The following KIF21B variants were observed in gnomAD, a reference collection of about 807,000 sequenced individuals.
KIF21B encodes the protein kinesin family member 21B.
In KIF21B, 85 loss-of-function variants were observed where a neutral mutation model predicts 192.9. The observed-to-expected ratio is 0.44, with a 90% CI of 0.37 to 0.53. The LOEUF (loss-of-function observed/expected upper bound fraction) is 0.53, where lower values mean the gene tolerates loss of function less well. KIF21B is among the 20% of genes least tolerant of loss of function. KIF21B has a pLI of 0.00. For synonymous variants in KIF21B, 832 were observed against 884.6 expected, an observed-to-expected ratio of 0.94 and a Z score of 1.05; for missense variants, 1,716 against 2,194.8, an observed-to-expected ratio of 0.78 and a Z score of 4.36.
Position 201,005,433 on chromosome 1 carries a change from A to G in KIF21B, c.607T>C (p.Cys203Arg), listed in dbSNP as rs747818334. 6.2e-7 allele frequency: 1 copy of G among 1,608,026 alleles called. No homozygotes were observed. Among genetic ancestry groups the G allele is most frequent in the South Asian group, 1.1e-5 (1 of 90,350 alleles). Residue 203 changes from cysteine to arginine, a missense_variant, in exon 5 of 35, where the codon TGC becomes CGC. Physicochemically the swap from Cys to Arg is radical, Grantham distance 180. Around this residue, in one of 3 missense-constraint regions of KIF21B, gnomAD observed 1,087 missense variants for 1,316.6 expected, o/e 0.83. Coordinates refer to ENST00000461742, the MANE Select transcript of KIF21B (RefSeq NM_001252102.2). ...LIHSQEELIQCLKQGALSRTT... is the reference protein window; with the variant it reads ...LIHSQEELIQRLKQGALSRTT... Reference sequence around the variant, plus strand: ...CGGGACAGGGCCCCCTGCTTCAGGCACTGGATCAGCTGGAAACAGAAGCAG... The same window carrying G: ...CGGGACAGGGCCCCCTGCTTCAGGCGCTGGATCAGCTGGAAACAGAAGCAG...
Position 200,979,648 on chromosome 1 carries a change from G to T in KIF21B, c.4047C>A (p.Asn1349Lys). 1.3e-6 allele frequency: 2 copies of T among 1,587,756 alleles called. No individual in the cohort carries two copies. Among genetic ancestry groups the T allele is most frequent in the Non-Finnish European group, 1.7e-6 (2 of 1,167,424 alleles). Residue 1349 changes from asparagine (N) to lysine (K), a missense_variant, in exon 30 of 35, where the codon AAC becomes AAA. This residue lies in a region of KIF21B where 580 missense variants were observed against 775.5 expected (regional missense o/e 0.75). Transcript: ENST00000461742. ...TGCAGTACTTGATGGAGACCACGTTGTTGGGGTGGCCCTTTAGAGCTGCGA... is the reference window on the plus strand; with the variant it reads ...TGCAGTACTTGATGGAGACCACGTTTTTGGGGTGGCCCTTTAGAGCTGCGA... ...QEIAALKGHP[N>K]NVVSIKYCSH... is the part of the protein sequence containing the mutation.
At chr1:200,981,936 C>T (rs897695803) in intron 28 of KIF21B, among the ~76,000 whole-genome samples, 6 of 152,104 alleles carry the variant, frequency 3.9e-5, no homozygotes, top group African/African-American at 1.4e-4. Context: ...GGGATGAGAC[C>T]CTGGCTGAGT....
At position 200,991,657 on chromosome 1, in the gene KIF21B, C is replaced by T. The variant is rs755755600; in HGVS notation, c.2454G>A (p.Glu818=). 23 of 1,613,820 alleles carry T rather than the reference C, an allele frequency of 1.4e-5. No individual in the cohort carries two copies. The highest frequency in any genetic ancestry group is 1.9e-5 in the Non-Finnish European group (22 of 1,179,988). The change falls in exon 17 of 35, where the codon GAG becomes GAA. Residue 818 remains glutamate (E), a splice_region_variant and synonymous_variant. Transcript: ENST00000461742. ...QEMVLRRKTQ[E]VSALRRLAKP... Reference sequence around the variant, plus strand: ...TCGCCAGCCCCTCGAGTGAGCTCACCTCCTGGGTCTTCCTCCTCAGGACCA... The same window carrying T: ...TCGCCAGCCCCTCGAGTGAGCTCACTTCCTGGGTCTTCCTCCTCAGGACCA...
At chr1:201,010,729 C>T (rs757834193) in intron 1 of KIF21B, among the ~76,000 whole-genome samples, 25 of 152,248 alleles carry the variant, frequency 1.6e-4, no homozygotes, top group East Asian at 1.9e-4. Context: ...GGCCCAGAGG[C>T]GCCTGGTCAC....
At chr1:201,022,419 C>T (rs939923896) in intron 1 of KIF21B, among the ~76,000 whole-genome samples, 2 of 152,196 alleles carry the variant, frequency 1.3e-5, no homozygotes, top group African/African-American at 4.8e-5. Context: ...CCAAGACACC[C>T]CTCTCAAAGA....
At chr1:200,984,755 T>G (rs1656175705) in intron 27 of KIF21B, 104 bp downstream of exon 27, 1 of 733,206 alleles carries the variant, frequency 1.4e-6, no homozygotes, top group South Asian at 2.1e-5. Flanking sequence ...AACTTCAGGC[T>G]GGGGTTGGCT....
chr1:201,015,113 T>A (rs1277302266), intron 1 of KIF21B, among the ~76,000 whole-genome samples: 1 of 152,238 alleles, frequency 6.6e-6, no homozygotes, highest in Non-Finnish European at 1.5e-5. Context: ...AATTTACAAA[T>A]GAGAGCTCAG....
intron 2 of KIF21B, 61 bp from the exon 3 acceptor site, chr1:201,009,012 G>C: frequency 6.5e-7 from 1 of 1,531,004 alleles, no homozygotes; most frequent in Non-Finnish European, 8.8e-7. Flanking sequence ...AGCAAGCCCT[G>C]TACCTGGGCC....
chr1:200,999,802 G>T lies in KIF21B; in HGVS notation c.1767+81C>A. On this transcript the variant is annotated intron_variant, in intron 12 of 34. Transcript: ENST00000461742. This position sits in a 1 kb window ranked among gnomAD's most constrained non-coding sequence, Gnocchi z 4.7. ...CAACCGCCTCCTTCACTCCATACAAGGATGCGGATGGGGCCCCCGCCAACC... is the reference window on the plus strand; with the variant it reads ...CAACCGCCTCCTTCACTCCATACAATGATGCGGATGGGGCCCCCGCCAACC... The T allele has an allele frequency of 7.2e-7, 1 of 1,379,722 alleles. No individual in the cohort carries two copies. The highest frequency in any genetic ancestry group is 1.0e-6 in the Non-Finnish European group (1 of 973,912). 85.5% of individuals were successfully genotyped at this position (1,379,722 alleles called of 1,614,324 possible). A position where few individuals can be genotyped will look rare whatever the true frequency, so the allele number is the denominator to read the frequency against.
In KIF21B at chr1:201,000,426, C is replaced by T. The variant is rs767724966; in HGVS notation, c.1649G>A (p.Arg550Gln). The change falls in exon 11 of 35, where the codon CGG becomes CAG. Residue 550 changes from arginine to glutamine, a missense_variant. Physicochemically the swap from Arg to Gln is conservative, Grantham distance 43 (BLOSUM62 1). Around this residue, in one of 3 missense-constraint regions of KIF21B, gnomAD observed 1,087 missense variants for 1,316.6 expected, o/e 0.83. Coordinates refer to ENST00000461742, the MANE Select transcript of KIF21B (RefSeq NM_001252102.2). The surrounding 1 kb of genome is among the most constrained non-coding windows in gnomAD (Gnocchi z 6.0). ...CTGCCTGACCTCCTTCTTCTTTAGCCGCTCCAGGTCCTGCTTGGCCCTGCG... is the reference window on the plus strand; with the variant it reads ...CTGCCTGACCTCCTTCTTCTTTAGCTGCTCCAGGTCCTGCTTGGCCCTGCG... ...VIRRAKQDLE[R>Q]LKKKEVRQRR... 5.8e-6 allele frequency: 9 copies of T among 1,564,030 alleles called. No individual in the cohort carries two copies. The highest frequency in any genetic ancestry group is 7.8e-6 in the Non-Finnish European group (9 of 1,159,956).
In KIF21B at chr1:200,991,825, C is replaced by T. The variant is rs547263183; in HGVS notation, c.2386-100G>A. ...GCCCTGTAGTTGAAAGCCTGGGCTT[C>T]AGGGTGATTCTCATGCAGCCAAACT... On this transcript the variant is annotated intron_variant, in intron 16 of 34. Coordinates refer to ENST00000461742, the MANE Select transcript of KIF21B (RefSeq NM_001252102.2). 120 of 1,212,514 alleles carry T rather than the reference C, an allele frequency of 9.9e-5. 2 individuals carry two copies. The South Asian group carries it at 1.6e-3, about 16-fold the overall frequency. The allele number at this position is 1,212,514 out of a possible 1,614,324, so 75.1% of individuals were successfully genotyped here. A position where few individuals can be genotyped will look rare whatever the true frequency, so the allele number is the denominator to read the frequency against.
chr1:200,986,161 C>T (rs1656288644), intron 26 of KIF21B, among the ~76,000 whole-genome samples: 1 of 151,644 alleles, frequency 6.6e-6, no homozygotes, highest in Admixed American at 6.6e-5. Context: ...AATCTTCTCT[C>T]ACACCATAAG....
At chr1:200,996,619 G>C (rs1004947818) in intron 14 of KIF21B, among the ~76,000 whole-genome samples, 1 of 152,064 alleles carries the variant, frequency 6.6e-6, no homozygotes, top group African/African-American at 2.4e-5. Context: ...AATGGGCAGG[G>C]GTGTTTTCAT....
chr1:201,023,487 C>T lies in KIF21B; in HGVS notation c.-104G>A, dbSNP rs916566455. 6 of 801,606 alleles carry T rather than the reference C, an allele frequency of 7.5e-6. No individual in the cohort carries two copies. Among genetic ancestry groups the T allele is most frequent in the Admixed American group, 4.6e-5 (1 of 21,832 alleles). 49.7% of individuals were successfully genotyped at this position (801,606 alleles called of 1,614,324 possible). ...GCGGGAGGCGGGGGCGCGGGCGCGG[C>T]TGGCGGAGGCTGCGGCGGCGGCGGC... On this transcript the variant is annotated 5_prime_UTR_variant, in exon 1 of 35. Transcript: ENST00000461742. The surrounding 1 kb of genome is among the most constrained non-coding windows in gnomAD (Gnocchi z 5.9).
chr1:200,976,383 C>G (rs1220485298), intron 32 of KIF21B, among the ~76,000 whole-genome samples: 1 of 152,334 alleles, frequency 6.6e-6, no homozygotes, highest in East Asian at 1.9e-4. Flanking sequence ...TCAGCCACCA[C>G]GCCTGGCCTG....
Position 200,975,995 on chromosome 1 carries a change from A to C in KIF21B, c.4444-326T>G, listed in dbSNP as rs1178328856. 2.0e-5 allele frequency among the ~76,000 whole-genome samples: 3 copies of C among 152,150 alleles called. No individual in the cohort carries two copies. The highest frequency in any genetic ancestry group is 2.9e-5 in the Non-Finnish European group (2 of 68,018). On this transcript the variant is annotated intron_variant, in intron 32 of 34. Coordinates refer to ENST00000461742, the MANE Select transcript of KIF21B (RefSeq NM_001252102.2). The surrounding 1 kb of genome is among the most constrained non-coding windows in gnomAD (Gnocchi z 4.3). ...GCTCAACAGGCAGCTGCTAAGGAGAAGGGTGGGTTTAGGGTGTGAGCCTCC... is the reference window on the plus strand; with the variant it reads ...GCTCAACAGGCAGCTGCTAAGGAGACGGGTGGGTTTAGGGTGTGAGCCTCC...
rs747155865 is a variant in KIF21B, at chr1:201,002,287, T to C, written c.1276A>G (p.Met426Val). The C allele has an allele frequency of 1.4e-5, 22 of 1,614,108 alleles. No homozygotes were observed. The highest frequency in any genetic ancestry group is 8.3e-5 in the Admixed American group (5 of 60,010). Reference protein sequence around the residue: ...GYSDLFRENAMLQKENGALRL... With the variant: ...GYSDLFRENAVLQKENGALRL... ...AGGGCCCCATTCTCCTTCTGTAGCA[T>C]GGCATTCTCTCGGAACAGATCACTA... Residue 426 changes from methionine to valine, a missense_variant, in exon 9 of 35, where the codon ATG (methionine) becomes GTG (valine). Physicochemically the swap from Met to Val is conservative, Grantham distance 21. Transcript: ENST00000461742.
At chr1:200,994,345 C>G (rs572445610) in intron 15 of KIF21B, among the ~76,000 whole-genome samples, 1 of 152,354 alleles carries the variant, frequency 6.6e-6, no homozygotes, top group African/African-American at 2.4e-5. Flanking sequence ...TGTAGCTGAA[C>G]AGCCATGGGA....
intron 27 of KIF21B, 86 bp from the exon 28 acceptor site, chr1:200,983,180 G>A (rs992943749): frequency 4.4e-5 from 51 of 1,154,128 alleles, no homozygotes; most frequent in Middle Eastern, 4.7e-4. Context: ...TGTGTGGGGT[G>A]GTCAGAGGGC....
Sources: allele counts gnomAD v4.1 joint callset (sites outside exome capture counted in the v4.1 genomes callset), GRCh38; gene constraint gnomAD v4.1.1; regional missense constraint gnomAD v4.1.1; non-coding constraint Gnocchi (gnomAD v3.1); transcripts MANE v1.5; gene names NCBI Gene and HGNC (gene_info 2026-07-23, HGNC 2026-07-21).